The following WNK1 variants were observed in gnomAD, a reference collection of about 807,000 sequenced individuals.
WNK1 encodes the protein WNK lysine deficient protein kinase 1.
In WNK1, 38 loss-of-function variants were observed where a neutral mutation model predicts 222.8. The ratio of observed to expected loss-of-function variants is 0.17; its 90% confidence interval spans 0.13 to 0.22. The LOEUF is 0.22. Among genes scored for constraint, WNK1 ranks in the 10% least tolerant of loss-of-function variants. The pLI, the probability that WNK1 is intolerant of heterozygous loss-of-function variation, is 1.00. For synonymous variants in WNK1, 1,090 were observed against 1,092.9 expected, an observed-to-expected ratio of 1.00 and a Z score of 0.05; for missense variants, 2,348 against 2,918.4, an observed-to-expected ratio of 0.80 and a Z score of 4.50.
chr12:772,429 A>ATG (rs1555080668), intron 1 of WNK1, among the ~76,000 whole-genome samples: 2 of 65,278 alleles, frequency 3.1e-5, no homozygotes, highest in Admixed American at 1.4e-4. Context: ...GTGTGTATGT[A>ATG]TGTGTGTGTG....
At chr12:801,685 G>A (rs1945892936) in intron 1 of WNK1, among the ~76,000 whole-genome samples, 2 of 151,680 alleles carry the variant, frequency 1.3e-5, no homozygotes, top group Non-Finnish European at 2.9e-5. Context: ...TGGGATTATA[G>A]GTGTCAACCA....
At chr12:858,150 T>A (rs1216194421) in intron 5 of WNK1, among the ~76,000 whole-genome samples, 1 of 152,158 alleles carries the variant, frequency 6.6e-6, no homozygotes, top group African/African-American at 2.4e-5. Context: ...CTTAAATCTC[T>A]TTAAGAACTT....
chr12:880,634 CTT>C (rs11334619), intron 11 of WNK1, 85 bp from the exon 12 acceptor site: 93,137 of 1,140,248 alleles, frequency 0.082, no homozygotes, highest in East Asian at 0.12. Flanking sequence ...CTGTGTGCTT[CTT>C]TTTTTTTTTT....
In WNK1 at chr12:884,390, G is replaced by A. The variant is rs1592169964; in HGVS notation, c.3844+147G>A. The A allele has an allele frequency of 3.9e-6, 5 of 1,297,322 alleles. No individual in the cohort carries two copies. In the East Asian group the frequency reaches 9.4e-5, roughly 25 times the overall value. The allele number at this position is 1,297,322 out of a possible 1,614,324, so 80.4% of individuals were successfully genotyped here. A position where few individuals can be genotyped will look rare whatever the true frequency, so the allele number is the denominator to read the frequency against. On this transcript the variant is annotated intron_variant, in intron 18 of 27. Transcript: ENST00000315939. The surrounding 1 kb of genome is among the most constrained non-coding windows in gnomAD (Gnocchi z 5.6). Reference sequence around the variant, plus strand: ...AGTTATAACCAACAGATAAACATATGGGAGAGGGAAATAGATGAAGAATAC... The same window carrying A: ...AGTTATAACCAACAGATAAACATATAGGAGAGGGAAATAGATGAAGAATAC...
Position 758,070 on chromosome 12 carries a change from A to G in WNK1, c.759+3746A>G, listed in dbSNP as rs959803728. 2.1e-5 allele frequency among the ~76,000 whole-genome samples: 3 copies of G among 145,144 alleles called. 1 individual carries two copies. The highest frequency in any genetic ancestry group is 3.1e-5 in the Non-Finnish European group (2 of 65,334). ...AAAAAAAAAAGAAAGAAAGAAAAAG[A>G]AAACATTGATGCACAGATTTAAGAA... On this transcript the variant is annotated intron_variant, in intron 1 of 27. Coordinates refer to ENST00000315939, the MANE Select transcript of WNK1 (RefSeq NM_018979.4).
Position 884,313 on chromosome 12 carries a change from A to G in WNK1, c.3844+70A>G, listed in dbSNP as rs1366764720. On this transcript the variant is annotated intron_variant, in intron 18 of 27. Coordinates refer to ENST00000315939, the MANE Select transcript of WNK1 (RefSeq NM_018979.4). The surrounding 1 kb of genome is among the most constrained non-coding windows in gnomAD (Gnocchi z 5.6). The stretch of plus-strand genomic sequence containing the variant: ...CCTCTGCTATGTTGAAAGCTTAATC[A>G]TAAAGCAGTAATTTATGATGACACA... The G allele has an allele frequency of 1.2e-6, 2 of 1,602,342 alleles. No individual in the cohort carries two copies. Among genetic ancestry groups the G allele is most frequent in the African/African-American group, 2.7e-5 (2 of 74,646 alleles).
At chr12:833,934 G>C (rs977974485) in intron 4 of WNK1, among the ~76,000 whole-genome samples, 2 of 152,078 alleles carry the variant, frequency 1.3e-5, no homozygotes, top group Non-Finnish European at 2.9e-5. Flanking sequence ...CTCTAATATA[G>C]AAGATTAATA....
Position 827,617 on chromosome 12 carries a change from C to G in WNK1, c.1153+355C>G, listed in dbSNP as rs933274249. ...AATCTCAGCTCACTGCAACCTCCAC[C>G]CACCGGGTTCAAGCGATTCTTGTGC... On this transcript the variant is annotated intron_variant, in intron 3 of 27. Coordinates refer to ENST00000315939, the MANE Select transcript of WNK1 (RefSeq NM_018979.4). This position sits in a 1 kb window ranked among gnomAD's most constrained non-coding sequence, Gnocchi z 4.6. 7.6e-6 allele frequency: 2 copies of G among 261,754 alleles called. No individual in the cohort carries two copies. Among genetic ancestry groups the G allele is most frequent in the East Asian group, 7.8e-5 (1 of 12,806 alleles). The allele number at this position is 261,754 out of a possible 1,614,324, so 16.2% of individuals were successfully genotyped here. A position where few individuals can be genotyped will look rare whatever the true frequency, so the allele number is the denominator to read the frequency against.
At position 911,061 on chromosome 12, in the gene WNK1, C is replaced by A. The variant is rs566958070; in HGVS notation, c.*2269C>A. The A allele has an allele frequency of 5.1e-5, 19 of 375,054 alleles. No individual in the cohort carries two copies. Among genetic ancestry groups the A allele is most frequent in the Non-Finnish European group, 8.0e-5 (17 of 212,720 alleles). 23.2% of individuals were successfully genotyped at this position (375,054 alleles called of 1,614,324 possible). ...TTGGGTTTAATAATAATTTTGACAT[C>A]TTTTCACTCATACACAAAAAAAGTC... On this transcript the variant is annotated 3_prime_UTR_variant, in exon 28 of 28. Coordinates refer to ENST00000315939, the MANE Select transcript of WNK1 (RefSeq NM_018979.4).
chr12:793,435 A>C (rs553246019), intron 1 of WNK1, among the ~76,000 whole-genome samples: 1 of 152,354 alleles, frequency 6.6e-6, no homozygotes, highest in South Asian at 2.1e-4. Flanking sequence ...AATTTCGGTC[A>C]AAAATAATGA....
At position 894,610 on chromosome 12, in the gene WNK1, G is replaced by A; in HGVS notation, c.5558G>A (p.Gly1853Asp). The A allele has an allele frequency of 6.2e-7, 1 of 1,614,054 alleles. No homozygotes were observed. Among genetic ancestry groups the A allele is most frequent in the South Asian group, 1.1e-5 (1 of 91,086 alleles). ...GPVLATSSGA[G>D]VFKMGRFQVS... ...GTCCTAGCAACTAGTTCAGGAGCTG[G>A]TGTTTTTAAGATGGGACGATTTCAG... The change falls in exon 23 of 28, where the codon GGT becomes GAT. Residue 1853 changes from glycine to aspartate, a missense_variant. Physicochemically the swap from Gly to Asp is moderately conservative, Grantham distance 94. Transcript: ENST00000315939.
chr12:877,891 T>G, intron 9 of WNK1: 1 of 355,064 alleles, frequency 2.8e-6, no homozygotes, highest in East Asian at 6.9e-5. Flanking sequence ...AGGGATGGGA[T>G]GGGGAAAGGA....
At chr12:874,196 T>C (rs763071381) in intron 9 of WNK1, among the ~76,000 whole-genome samples, 7 of 151,788 alleles carry the variant, frequency 4.6e-5, no homozygotes, top group Admixed American at 2.0e-4. Context: ...CCTACCCTAC[T>C]ATCCATAAAG....
chr12:786,273 A>G (rs1168630484), intron 1 of WNK1, among the ~76,000 whole-genome samples: 3 of 152,282 alleles, frequency 2.0e-5, no homozygotes, highest in Non-Finnish European at 2.9e-5. Context: ...TTGTATTTCT[A>G]ACAGTTTTTA....
chr12:878,986 G>T (rs1952878165), intron 10 of WNK1, among the ~76,000 whole-genome samples: 1 of 152,006 alleles, frequency 6.6e-6, no homozygotes, highest in African/African-American at 2.4e-5. Context: ...CACATTATCA[G>T]TTATAAAGTA....
chr12:813,336 A>G (rs1265050723), intron 1 of WNK1, among the ~76,000 whole-genome samples: 1 of 152,246 alleles, frequency 6.6e-6, no homozygotes, highest in Non-Finnish European at 1.5e-5. Flanking sequence ...CTTTGCCTCC[A>G]AAGCCTATGT....
chr12:758,373 CTTTTTTTTT>C (rs397957357), intron 1 of WNK1, among the ~76,000 whole-genome samples: 3 of 64,720 alleles, frequency 4.6e-5, no homozygotes, highest in African/African-American at 1.8e-4. Flanking sequence ...TGCTATAGTT[CTTTTTTTTT>C]TTTTTTTTTT....
At chr12:781,834 T>G (rs1455980309) in intron 1 of WNK1, among the ~76,000 whole-genome samples, 1 of 152,160 alleles carries the variant, frequency 6.6e-6, no homozygotes, top group Non-Finnish European at 1.5e-5. Context: ...TTTGAGAACT[T>G]AAATTAAAAT....
At position 861,343 on chromosome 12, in the gene WNK1, T is replaced by C. The variant is rs1004156281; in HGVS notation, c.1951T>C (p.Ser651Pro). 8.1e-6 allele frequency: 13 copies of C among 1,613,854 alleles called. No individual in the cohort carries two copies. Among genetic ancestry groups the C allele is most frequent in the Non-Finnish European group, 9.3e-6 (11 of 1,179,720 alleles). Residue 651 changes from serine to proline, a missense_variant and splice_region_variant, in exon 7 of 28, where the codon TCT becomes CCT. Transcript: ENST00000315939. ...QYQQPSISVL[S>P]DGTVDSGQGS... ...CCAGCAACCCAGTATATCTGTGTTA[T>C]GTACGTATCTTGGGAAGTGGACAGA... is the stretch of plus-strand genomic sequence containing the variant.
Sources: allele counts gnomAD v4.1 joint callset (sites outside exome capture counted in the v4.1 genomes callset), GRCh38; gene constraint gnomAD v4.1.1; non-coding constraint Gnocchi (gnomAD v3.1); transcripts MANE v1.5; gene names NCBI Gene and HGNC (gene_info 2026-07-23, HGNC 2026-07-21).